Variants in EYS observed in about 807,000 individuals in gnomAD.
EYS encodes the protein EGF-like photoreceptor maintenance factor.
EYS carries 250 observed loss-of-function variants against 282.1 expected under a neutral mutation model. That is an observed-to-expected ratio of 0.89 (90% CI 0.80 to 0.98). EYS has a LOEUF of 0.98. Among genes scored for constraint, EYS ranks in the 50% least tolerant of loss-of-function variants. The probability of loss-of-function intolerance (pLI) is 0.00; values close to 1 mark genes in which losing one functional copy is unlikely to be tolerated. For synonymous variants in EYS, 1,355 were observed against 1,282.9 expected, an observed-to-expected ratio of 1.06 and a Z score of -1.20; for missense variants, 4,016 against 3,709.0, an observed-to-expected ratio of 1.08 and a Z score of -2.15.
Position 65,495,264 on chromosome 6 carries a change from G to C in EYS, c.147C>G (p.Ile49Met). The C allele has an allele frequency of 6.2e-7, 1 of 1,614,116 alleles. No homozygotes were observed. Among genetic ancestry groups the C allele is most frequent in the African/African-American group, 1.3e-5 (1 of 75,038 alleles). The part of the protein sequence containing the change: ...YVVNWTLTEN[I>M]CLDFYRDCWF... The stretch of plus-strand genomic sequence containing the variant: ...AGCAATCTCTGTAGAAGTCCAAGCA[G>C]ATGTTTTCTGTTAGTGTCCAATTTA... The change falls in exon 4 of 43, where the codon ATC (isoleucine) becomes ATG (methionine). Residue 49 changes from isoleucine (I) to methionine (M), a missense_variant. Transcript: ENST00000503581.
chr6:64,220,861 C>T (rs549739014), intron 31 of EYS, among the ~76,000 whole-genome samples: 186 of 152,230 alleles, frequency 1.2e-3, no homozygotes, highest in African/African-American at 4.3e-3. Flanking sequence ...AATTTACTGG[C>T]TGAGTAACCA....
At chr6:64,420,324 T>C (rs1774191107) in intron 28 of EYS, among the ~76,000 whole-genome samples, 1 of 152,088 alleles carries the variant, frequency 6.6e-6, no homozygotes, top group Non-Finnish European at 1.5e-5. Context: ...AACCATATTT[T>C]CCTCTTAGGT....
Position 64,081,938 on chromosome 6 carries a change from A to G in EYS, c.6489T>C (p.Phe2163=), listed in dbSNP as rs1771986869. The change falls in exon 32 of 43, where the codon TTT becomes TTC. Residue 2163 remains phenylalanine, a synonymous_variant. Transcript: ENST00000503581. ...TTCTGTTATGTTCCTTCTCCAGGAC[A>G]AACTTCAAAAAGGGCAGTTCTAAAT... ...NSYLELPFLK[F]VLEKEHNRTV... is the part of the protein sequence containing the mutation. The G allele has an allele frequency of 6.5e-7, 1 of 1,545,736 alleles. No individual in the cohort carries two copies. The highest frequency in any genetic ancestry group is 8.8e-7 in the Non-Finnish European group (1 of 1,142,086).
At chr6:65,579,698 A>T (rs868843607) in intron 2 of EYS, among the ~76,000 whole-genome samples, 1 of 152,104 alleles carries the variant, frequency 6.6e-6, no homozygotes, top group Admixed American at 6.6e-5. Context: ...CATTCTATCG[A>T]GTTAGAAACC....
At chr6:64,710,117 G>A (rs532666668) in intron 22 of EYS, among the ~76,000 whole-genome samples, 1 of 152,136 alleles carries the variant, frequency 6.6e-6, no homozygotes, top group Admixed American at 6.5e-5. Context: ...TTATAAATAG[G>A]GACATGATTA....
At chr6:64,584,736 A>G (rs1201739510) in intron 26 of EYS, among the ~76,000 whole-genome samples, 2 of 152,258 alleles carry the variant, frequency 1.3e-5, no homozygotes, top group East Asian at 3.9e-4. Context: ...TCAATTTAAA[A>G]GAACACTTAA....
intron 5 of EYS, among the ~76,000 whole-genome samples, chr6:65,464,400 G>A (rs1325467287): frequency 6.6e-6 from 1 of 152,146 alleles, no homozygotes; most frequent in Non-Finnish European, 1.5e-5. Flanking sequence ...GAATGCCTGA[G>A]TTGTAGTGCA....
chr6:65,343,527 A>AG (rs1364933127), intron 10 of EYS, among the ~76,000 whole-genome samples: 1 of 151,336 alleles, frequency 6.6e-6, no homozygotes, highest in Non-Finnish European at 1.5e-5. Flanking sequence ...AGGGGATAAA[A>AG]GGAGGGCCTC....
At chr6:64,046,664 A>G (rs980163783) in intron 33 of EYS, among the ~76,000 whole-genome samples, 2 of 152,206 alleles carry the variant, frequency 1.3e-5, no homozygotes, top group Non-Finnish European at 2.9e-5. Context: ...GTCTTTAAAA[A>G]CAAGAGGACA....
intron 5 of EYS, among the ~76,000 whole-genome samples, chr6:65,409,082 TTTGTA>T (rs1435952575): frequency 6.6e-6 from 1 of 152,182 alleles, no homozygotes; most frequent in Admixed American, 6.6e-5. Context: ...TATGATATGA[TTTGTA>T]TTCCTTTAGA....
intron 2 of EYS, among the ~76,000 whole-genome samples, chr6:65,553,678 T>C (rs1045423868): frequency 6.6e-6 from 1 of 151,962 alleles, no homozygotes; most frequent in Admixed American, 6.6e-5. Flanking sequence ...CAAAAACATC[T>C]CTAAAACACC....
chr6:65,380,391 A>G (rs996920958), intron 8 of EYS, among the ~76,000 whole-genome samples: 17 of 152,142 alleles, frequency 1.1e-4, no homozygotes, highest in Non-Finnish European at 2.2e-4. Flanking sequence ...TATTTAATAA[A>G]TGGTTTTGGG....
chr6:65,235,370 G>A (rs1192466663), intron 12 of EYS, among the ~76,000 whole-genome samples: 1 of 151,902 alleles, frequency 6.6e-6, no homozygotes, highest in Admixed American at 6.6e-5. Flanking sequence ...ATGAAGAGTT[G>A]GATGTATACA....
chr6:64,075,782 T>A (rs1326557089), intron 32 of EYS, among the ~76,000 whole-genome samples: 1 of 151,916 alleles, frequency 6.6e-6, no homozygotes, highest in East Asian at 1.9e-4. Context: ...CAAGCACTGT[T>A]TTATGCAGGT....
chr6:65,192,629 G>A (rs1185916045), intron 12 of EYS, among the ~76,000 whole-genome samples: 1 of 151,664 alleles, frequency 6.6e-6, no homozygotes, highest in Non-Finnish European at 1.5e-5. Context: ...TGGTTTGAAT[G>A]TAGTTTGTCC....
chr6:64,419,987 A>G (rs1382328263), intron 28 of EYS, among the ~76,000 whole-genome samples: 1 of 152,212 alleles, frequency 6.6e-6, no homozygotes, highest in African/African-American at 2.4e-5. Context: ...CTGCCCTAGC[A>G]GAGGTTCTCC....
chr6:65,393,183 G>T (rs1419828921), intron 7 of EYS, among the ~76,000 whole-genome samples: 2 of 150,674 alleles, frequency 1.3e-5, no homozygotes, highest in Admixed American at 6.6e-5. Context: ...GGGGTGGGGG[G>T]ACGGGGGAGG....
intron 2 of EYS, among the ~76,000 whole-genome samples, chr6:65,523,080 C>T (rs1298641851): frequency 6.6e-6 from 1 of 152,018 alleles, no homozygotes; most frequent in African/African-American, 2.4e-5. Context: ...TAAAAAAACA[C>T]TTGTTGTCAT....
intron 14 of EYS, among the ~76,000 whole-genome samples, chr6:64,965,434 T>G (rs1770060366): frequency 6.6e-6 from 1 of 151,972 alleles, no homozygotes; most frequent in South Asian, 2.1e-4. Flanking sequence ...TTTTTACATA[T>G]AGGAAAGTAA....
Sources: gnomAD v4.1 joint callset for allele counts (sites outside exome capture counted in the v4.1 genomes callset) on GRCh38, gnomAD v4.1.1 for gene constraint, MANE v1.5 for transcripts, NCBI Gene and HGNC (gene_info 2026-07-23, HGNC 2026-07-21) for gene names.